The following STX19 variants were observed in gnomAD, a reference collection of about 807,000 sequenced individuals.
STX19 encodes the protein syntaxin 19, also known as syntaxin-19.
STX19 carries 26 observed loss-of-function variants against 24.3 expected under a neutral mutation model. The observed-to-expected ratio is 1.07, with a 90% CI of 0.78 to 1.48. The LOEUF is 1.48. Among genes scored for constraint, STX19 ranks in the 40% most tolerant of loss-of-function variants. STX19 has a pLI of 0.00. For missense variants in STX19, 367 were observed against 331.9 expected, an observed-to-expected ratio of 1.11 and a Z score of -0.82; for synonymous variants, 116 against 106.9, an observed-to-expected ratio of 1.09 and a Z score of -0.52.
At chr3:94,026,351 C>G (rs1345411501) in intron 1 of STX19, among the ~76,000 whole-genome samples, 3 of 152,166 alleles carry the variant, frequency 2.0e-5, no homozygotes, top group African/African-American at 7.2e-5. Context: ...ACTTCTGTAT[C>G]TGTGCATTTT....
Position 94,014,370 on chromosome 3 carries a change from T to C in STX19, c.*15A>G. 1 of 1,511,622 alleles carries C rather than the reference T, an allele frequency of 6.6e-7. No individual in the cohort carries two copies. 93.6% of individuals were successfully genotyped at this position (1,511,622 alleles called of 1,614,324 possible). A position where few individuals can be genotyped will look rare whatever the true frequency, so the allele number is the denominator to read the frequency against. ...CTTTTACCGTAAAGCTGGAAAAAGT[T>C]TTAAAATAGCTTCTTTATTTTGAGC... On this transcript the variant is annotated 3_prime_UTR_variant, in exon 2 of 2. Transcript: ENST00000315099.
chr3:94,024,590 TTTG>T (rs2076517196), intron 1 of STX19, among the ~76,000 whole-genome samples: 1 of 152,104 alleles, frequency 6.6e-6, no homozygotes, highest in Non-Finnish European at 1.5e-5. Context: ...GGCGTGTTGT[TTTG>T]TTTTATTTTT....
chr3:94,016,396 G>A (rs1487586596), intron 1 of STX19, among the ~76,000 whole-genome samples: 2 of 152,090 alleles, frequency 1.3e-5, no homozygotes, highest in African/African-American at 4.8e-5. Context: ...GTCATAGGAG[G>A]CATACTTAAC....
intron 1 of STX19, among the ~76,000 whole-genome samples, chr3:94,016,471 A>G (rs2076335322): frequency 1.3e-5 from 2 of 152,194 alleles, no homozygotes; most frequent in Admixed American, 1.3e-4. Context: ...GTAGGGATTC[A>G]AATATTAAAA....
At chr3:94,026,942 C>T (rs943466063) in intron 1 of STX19, among the ~76,000 whole-genome samples, 1 of 151,936 alleles carries the variant, frequency 6.6e-6, no homozygotes, top group Non-Finnish European at 1.5e-5. Flanking sequence ...TAAACTGGTG[C>T]GACTCAAATA....
chr3:94,020,950 A>G (rs2076435291), intron 1 of STX19, among the ~76,000 whole-genome samples: 1 of 151,866 alleles, frequency 6.6e-6, no homozygotes, highest in Non-Finnish European at 1.5e-5. Context: ...GCATATTTTT[A>G]TTGTCTATAT....
chr3:94,018,574 C>T (rs920915782), intron 1 of STX19, among the ~76,000 whole-genome samples: 5 of 152,064 alleles, frequency 3.3e-5, no homozygotes, highest in Admixed American at 1.3e-4. Flanking sequence ...GCATTAAATG[C>T]TGTTTGTAAG....
In STX19 at chr3:94,014,736, A is replaced by G. The variant is rs1320857625; in HGVS notation, c.534T>C (p.Ser178=). The G allele has an allele frequency of 6.2e-6, 10 of 1,613,146 alleles. No individual in the cohort carries two copies. The highest frequency in any genetic ancestry group is 1.7e-5 in the Admixed American group (1 of 59,894). Residue 178 remains serine (S), a synonymous_variant, in exon 2 of 2, where the codon TCT becomes TCC. Transcript: ENST00000315099. ...RQLEVAGKEM[S]EEDVNDMLHQ... is the part of the protein sequence containing the mutation. ...GAAGCATATCATTTACATCTTCTTC[A>G]GACATCTCTTTTCCAGCAACTTCAA...
At chr3:94,016,649 C>CTT (rs11442452) in intron 1 of STX19, among the ~76,000 whole-genome samples, 123 of 142,456 alleles carry the variant, frequency 8.6e-4, no homozygotes, top group East Asian at 1.9e-3. Flanking sequence ...ATTAAGCTTT[C>CTT]TTTTTTTTTT....
chr3:94,014,927 C>T lies in STX19; in HGVS notation c.343G>A (p.Glu115Lys). 1.2e-6 allele frequency: 2 copies of T among 1,613,546 alleles called. No homozygotes were observed. Among genetic ancestry groups the T allele is most frequent in the South Asian group, 2.2e-5 (2 of 90,854 alleles). The change falls in exon 2 of 2, where the codon GAA (glutamate) becomes AAA (lysine). Residue 115 changes from glutamate to lysine, a missense_variant. Physicochemically the swap from Glu to Lys is moderately conservative, Grantham distance 56. Transcript: ENST00000315099. The stretch of plus-strand genomic sequence containing the variant: ...TTTTCAACCTCTGACTTTTTAACTT[C>T]TTTAACTAAATCATTCAAACTTCTG... ...INRSLNDLVK[E>K]VKKSEVENGP...
intron 1 of STX19, among the ~76,000 whole-genome samples, chr3:94,020,622 G>A (rs573851747): frequency 6.6e-6 from 1 of 152,272 alleles, no homozygotes; most frequent in African/African-American, 2.4e-5. Flanking sequence ...AAATCTGTTT[G>A]TGTCAGGAAA....
intron 1 of STX19, among the ~76,000 whole-genome samples, chr3:94,025,159 C>A (rs1258853297): frequency 6.6e-6 from 1 of 151,234 alleles, no homozygotes; most frequent in South Asian, 2.1e-4. Flanking sequence ...TGAACATGCA[C>A]CACACTTTTA....
chr3:94,016,943 C>G (rs1333001138), intron 1 of STX19, among the ~76,000 whole-genome samples: 1 of 152,138 alleles, frequency 6.6e-6, no homozygotes, highest in Non-Finnish European at 1.5e-5. Flanking sequence ...CCGCTCCCAG[C>G]CTAATTAAGC....
intron 1 of STX19, among the ~76,000 whole-genome samples, chr3:94,019,776 C>G (rs2106989204): frequency 6.6e-6 from 1 of 152,314 alleles, no homozygotes; most frequent in East Asian, 1.9e-4. Flanking sequence ...ACAACTCTCC[C>G]TTTCTCTGCT....
chr3:94,022,615 G>A (rs1411249724), intron 1 of STX19, among the ~76,000 whole-genome samples: 8 of 151,714 alleles, frequency 5.3e-5, no homozygotes, highest in African/African-American at 1.7e-4. Flanking sequence ...AGTCACCTAA[G>A]GTACTGTAGC....
intron 1 of STX19, among the ~76,000 whole-genome samples, chr3:94,016,517 T>C (rs1362161487): frequency 6.6e-6 from 1 of 152,096 alleles, no homozygotes; most frequent in East Asian, 1.9e-4. Context: ...AACAAAAATA[T>C]ATTTAACAGG....
intron 1 of STX19, among the ~76,000 whole-genome samples, chr3:94,023,028 T>C (rs1363805893): frequency 6.6e-6 from 1 of 152,022 alleles, no homozygotes; most frequent in Non-Finnish European, 1.5e-5. Flanking sequence ...AACCTGATTG[T>C]GTTAGAATTT....
chr3:94,019,166 C>T (rs1459272308), intron 1 of STX19, among the ~76,000 whole-genome samples: 1 of 152,064 alleles, frequency 6.6e-6, no homozygotes, highest in African/African-American at 2.4e-5. Flanking sequence ...CCACCTCTTA[C>T]CATCTCCCTG....
chr3:94,016,291 A>T (rs975518399), intron 1 of STX19, among the ~76,000 whole-genome samples: 1 of 152,062 alleles, frequency 6.6e-6, no homozygotes, highest in Non-Finnish European at 1.5e-5. Context: ...TATTAATATC[A>T]ACCAGAAAAA....
Sources: gnomAD v4.1 joint callset for allele counts (sites outside exome capture counted in the v4.1 genomes callset) on GRCh38, gnomAD v4.1.1 for gene constraint, MANE v1.5 for transcripts, NCBI Gene and HGNC (gene_info 2026-07-23, HGNC 2026-07-21) for gene names.